PPP4R3A: variants seen among roughly 807,000 people sequenced by gnomAD.
PPP4R3A encodes serine/threonine-protein phosphatase 4 regulatory subunit 3A.
PPP4R3A carries 15 observed loss-of-function variants against 91.7 expected under a neutral mutation model. The observed-to-expected ratio is 0.16, with a 90% CI of 0.11 to 0.25. The LOEUF is 0.25. Among genes scored for constraint, PPP4R3A ranks in the 10% least tolerant of loss-of-function variants. The pLI, the probability that PPP4R3A is intolerant of heterozygous loss-of-function variation, is 1.00. For synonymous variants in PPP4R3A, 377 were observed against 348.7 expected (o/e 1.08, Z -0.91); for missense variants, 623 against 998.4 (o/e 0.62, Z 5.07).
chr14:91,461,694 T>A, intron 13 of PPP4R3A, 87 bp from the exon 14 acceptor site: 1 of 1,293,074 alleles, frequency 7.7e-7, no homozygotes, highest in Non-Finnish European at 1.1e-6. Context: ...CACATTTAAC[T>A]AGCTTACTAC....
rs746372581 is a variant in PPP4R3A, at chr14:91,482,052, C to T, written c.439G>A (p.Val147Met). The T allele has an allele frequency of 6.8e-6, 11 of 1,614,024 alleles. No individual in the cohort carries two copies. In the South Asian group the frequency reaches 1.2e-4, roughly 18 times the overall value. Residue 147 changes from valine to methionine, a missense_variant, in exon 4 of 15, where the codon GTG (valine) becomes ATG (methionine). Around this residue, in one of 5 missense-constraint regions of PPP4R3A, gnomAD observed 264 missense variants for 377.3 expected, o/e 0.70. Coordinates refer to ENST00000554943, the MANE Select transcript of PPP4R3A (RefSeq NM_001366432.2). ...LSRLEEIAELVASSLPSPLRR... is the reference protein window; with the variant it reads ...LSRLEEIAELMASSLPSPLRR... ...AGAGGTGAAGGTAAAGATGATGCCA[C>T]AAGTTCTGCAATTTCTTCAAGGCGA...
At chr14:91,463,699 A>C (rs778907373) in intron 11 of PPP4R3A, among the ~76,000 whole-genome samples, 1 of 152,080 alleles carries the variant, frequency 6.6e-6, no homozygotes, top group Non-Finnish European at 1.5e-5. Flanking sequence ...TTGGCCTGCC[A>C]AAGTGCTGGG....
At position 91,475,911 on chromosome 14, in the gene PPP4R3A, A is replaced by G. The variant is rs1185972729; in HGVS notation, c.1166T>C (p.Val389Ala). The change falls in exon 7 of 15, where the codon GTT (valine) becomes GCT (alanine). Residue 389 changes from valine (V) to alanine (A), a missense_variant. Physicochemically the swap from Val to Ala is moderately conservative, Grantham distance 64. Coordinates refer to ENST00000554943, the MANE Select transcript of PPP4R3A (RefSeq NM_001366432.2). ...TCGTACCATGGATGGATTATATTCAACCAAGTATGAGAATATATCAGTAGC... is the reference window on the plus strand; with the variant it reads ...TCGTACCATGGATGGATTATATTCAGCCAAGTATGAGAATATATCAGTAGC... The part of the protein sequence containing the change: ...SAATDIFSYL[V>A]EYNPSMVREF... 2 of 1,612,776 alleles carry G rather than the reference A, an allele frequency of 1.2e-6. No individual in the cohort carries two copies. The highest frequency in any genetic ancestry group is 1.7e-6 in the Non-Finnish European group (2 of 1,179,610).
chr14:91,461,338 T>G (rs1888140210), intron 14 of PPP4R3A, 43 bp downstream of exon 14: 1 of 1,557,458 alleles, frequency 6.4e-7, no homozygotes, highest in Non-Finnish European at 8.8e-7. Flanking sequence ...TGAGAAAGCT[T>G]CAATTGGGAA....
chr14:91,483,642 T>G (rs8006780), intron 3 of PPP4R3A, among the ~76,000 whole-genome samples: 1 of 151,968 alleles, frequency 6.6e-6, no homozygotes, highest in African/African-American at 2.4e-5. Context: ...GTTCAAGAAA[T>G]AGAAAAACAT....
chr14:91,463,008 A>G lies in PPP4R3A; in HGVS notation c.1831-131T>C, dbSNP rs1392912033. ...AAACTACATAATCTTAGAGATAACCAAACAATAAAAAATGGGAATAACGTA... is the reference window on the plus strand; with the variant it reads ...AAACTACATAATCTTAGAGATAACCGAACAATAAAAAATGGGAATAACGTA... On this transcript the variant is annotated intron_variant, in intron 11 of 14. Transcript: ENST00000554943. 5.4e-6 allele frequency: 4 copies of G among 737,672 alleles called. No individual in the cohort carries two copies. In the African/African-American group the frequency reaches 7.1e-5, roughly 13 times the overall value. 45.7% of individuals were successfully genotyped at this position (737,672 alleles called of 1,614,324 possible). A position where few individuals can be genotyped will look rare whatever the true frequency, so the allele number is the denominator to read the frequency against.
At position 91,457,605 on chromosome 14, in the gene PPP4R3A, A is replaced by G. The variant is rs1595041863; in HGVS notation, c.*1154T>C. The G allele has an allele frequency of 1.3e-5, 2 of 152,608 alleles. No homozygotes were observed. The highest frequency in any genetic ancestry group is 3.8e-4 in the East Asian group (2 of 5,204). 9.5% of individuals were successfully genotyped at this position (152,608 alleles called of 1,614,324 possible). A position where few individuals can be genotyped will look rare whatever the true frequency, so the allele number is the denominator to read the frequency against. ...AACAAAAACAAGAAACATACAACTA[A>G]TACAATTTCTCTTACTCTTCACTTT... On this transcript the variant is annotated 3_prime_UTR_variant, in exon 15 of 15. Coordinates refer to ENST00000554943, the MANE Select transcript of PPP4R3A (RefSeq NM_001366432.2).
chr14:91,509,622 T>C lies in PPP4R3A; in HGVS notation c.26A>G (p.Lys9Arg), dbSNP rs1350272476. 6.2e-7 allele frequency: 1 copy of C among 1,600,590 alleles called. No individual in the cohort carries two copies. The highest frequency in any genetic ancestry group is 1.3e-5 in the African/African-American group (1 of 74,764). The change falls in exon 1 of 15, where the codon AAG (lysine) becomes AGG (arginine). Residue 9 changes from lysine (K) to arginine (R), a missense_variant. By Grantham distance (26) the Lys-to-Arg change is conservative (BLOSUM62 2). This residue lies in a region of PPP4R3A where 51 missense variants were observed against 81.8 expected (regional missense o/e 0.62). Coordinates refer to ENST00000554943, the MANE Select transcript of PPP4R3A (RefSeq NM_001366432.2). Reference protein sequence around the residue: MTDTRRRVKVYTLNEDRQW... With the variant: MTDTRRRVRVYTLNEDRQW... The stretch of plus-strand genomic sequence containing the variant: ...CCGGTCCTCGTTGAGCGTGTACACC[T>C]TCACCCGCCGCCGGGTGTCGGTCAT...
chr14:91,504,019 G>A (rs1055399775), intron 1 of PPP4R3A, among the ~76,000 whole-genome samples: 2 of 152,010 alleles, frequency 1.3e-5, no homozygotes, highest in African/African-American at 4.8e-5. Context: ...CTTCACATCT[G>A]GAGATCGAGA....
chr14:91,507,352 TA>T (rs1891367291), intron 1 of PPP4R3A, among the ~76,000 whole-genome samples: 1 of 91,914 alleles, frequency 1.1e-5, no homozygotes, highest in East Asian at 2.8e-4. Context: ...TTATATATAC[TA>T]TATAGTATAT....
chr14:91,461,510 A>T lies in PPP4R3A; in HGVS notation c.2262T>A (p.Thr754=). 1 of 1,614,190 alleles carries T rather than the reference A, an allele frequency of 6.2e-7. No homozygotes were observed. The highest frequency in any genetic ancestry group is 8.5e-7 in the Non-Finnish European group (1 of 1,180,036). The change falls in exon 14 of 15, where the codon ACT becomes ACA. Residue 754 remains threonine, a synonymous_variant. Coordinates refer to ENST00000554943, the MANE Select transcript of PPP4R3A (RefSeq NM_001366432.2). ...FKLSLSSGTK[T]NLTSQSSTTN... is the part of the protein sequence containing the mutation. ...TTGTAGATGACTGGCTGGTGAGGTT[A>T]GTCTTCGTTCCACTGGACAGGGAAA...
In PPP4R3A at chr14:91,458,546, G is replaced by T; in HGVS notation, c.*213C>A. ...AGGGCAATGTGTGGTCCAAGCTGGA[G>T]AGCTCAAAGGCTTAAGTCTTTCCCC... is the stretch of plus-strand genomic sequence containing the variant. On this transcript the variant is annotated 3_prime_UTR_variant, in exon 15 of 15. Coordinates refer to ENST00000554943, the MANE Select transcript of PPP4R3A (RefSeq NM_001366432.2). The T allele has an allele frequency of 1.5e-6, 1 of 686,516 alleles. No individual in the cohort carries two copies. Among genetic ancestry groups the T allele is most frequent in the East Asian group, 2.9e-5 (1 of 34,736 alleles). The allele number at this position is 686,516 out of a possible 1,614,324, so 42.5% of individuals were successfully genotyped here.
intron 1 of PPP4R3A, among the ~76,000 whole-genome samples, chr14:91,509,126 C>T (rs1200685886): frequency 2.6e-5 from 4 of 152,208 alleles, no homozygotes; most frequent in African/African-American, 9.7e-5. Context: ...GCCTGCTTTA[C>T]AGATGGGTGA....
rs549175703 is a variant in PPP4R3A at position 91,508,016 on chromosome 14, C to T, written c.142+1490G>A. Among the ~76,000 whole-genome samples the T allele has an allele frequency of 2.4e-4, 36 of 152,196 alleles. 1 individual carries two copies. In the South Asian group the frequency reaches 7.5e-3, roughly 32 times the overall value. On this transcript the variant is annotated intron_variant, in intron 1 of 14. Transcript: ENST00000554943. ...ACGGATACTTTCATCTCATAAGAAGCTGATACAAAAAGTCCATACCTTCCA... is the reference window on the plus strand; with the variant it reads ...ACGGATACTTTCATCTCATAAGAAGTTGATACAAAAAGTCCATACCTTCCA...
intron 3 of PPP4R3A, among the ~76,000 whole-genome samples, chr14:91,485,121 T>C (rs1259754155): frequency 1.3e-5 from 2 of 152,224 alleles, no homozygotes; most frequent in Non-Finnish European, 2.9e-5. Context: ...CTAGCTAAAA[T>C]GTTGATTTAG....
chr14:91,472,960 G>T (rs1595059174), intron 9 of PPP4R3A, 73 bp downstream of exon 9: 1 of 1,402,558 alleles, frequency 7.1e-7, no homozygotes, highest in Non-Finnish European at 9.9e-7. Flanking sequence ...CTCCTAAAAA[G>T]ACTGACTTAA....
chr14:91,486,447 C>T (rs2140124238), intron 2 of PPP4R3A, among the ~76,000 whole-genome samples: 1 of 152,174 alleles, frequency 6.6e-6, no homozygotes, highest in African/African-American at 2.4e-5. Context: ...ACTGGGATTA[C>T]AGGCATGAGC....
intron 6 of PPP4R3A, 27 bp downstream of exon 6, chr14:91,476,380 AT>A: frequency 2.1e-6 from 3 of 1,438,168 alleles, no homozygotes; most frequent in Non-Finnish European, 2.9e-6. Context: ...AAAAATGGTA[AT>A]TAAAAATGAG....
At chr14:91,477,058 T>A in intron 4 of PPP4R3A, 72 bp from the exon 5 acceptor site, 2 of 1,197,760 alleles carry the variant, frequency 1.7e-6, no homozygotes, top group Non-Finnish European at 2.4e-6. Flanking sequence ...AGGAATGCTT[T>A]AATATACACA....
Sources: gnomAD v4.1 joint callset for allele counts (sites outside exome capture counted in the v4.1 genomes callset) on GRCh38, gnomAD v4.1.1 for gene constraint, gnomAD v4.1.1 regional missense constraint, MANE v1.5 for transcripts, NCBI Gene and HGNC (gene_info 2026-07-23, HGNC 2026-07-21) for gene names.